The following SNX24 variants were observed in gnomAD, a reference collection of about 807,000 sequenced individuals.
SNX24 encodes the protein sorting nexin 24, also known as sorting nexin-24.
A neutral mutation model predicts 28.7 loss-of-function variants in SNX24; 22 were observed. The ratio of observed to expected loss-of-function variants is 0.77; its 90% confidence interval spans 0.55 to 1.10. The LOEUF is 1.10. Ranked by LOEUF, SNX24 falls within the 50% of genes least tolerant of loss-of-function variation. The pLI, the probability that SNX24 is intolerant of heterozygous loss-of-function variation, is 0.00. For missense variants in SNX24, 221 were observed against 201.1 expected, an observed-to-expected ratio of 1.10 and a Z score of -0.60; for synonymous variants, 69 against 71.5, an observed-to-expected ratio of 0.96 and a Z score of 0.18.
intron 6 of SNX24, among the ~76,000 whole-genome samples, chr5:123,006,304 A>C (rs1168208400): frequency 6.6e-6 from 1 of 152,146 alleles, no homozygotes; most frequent in Non-Finnish European, 1.5e-5. Context: ...TGATTATGCA[A>C]GCCAGAAACC....
chr5:122,920,710 A>G (rs912523847), intron 1 of SNX24, among the ~76,000 whole-genome samples: 19 of 152,200 alleles, frequency 1.2e-4, no homozygotes, highest in African/African-American at 4.3e-4. Flanking sequence ...TGTGTGGCTA[A>G]TAAGTGTCAA....
chr5:123,025,219 A>G (rs1762834124), intron 5 of SNX24, among the ~76,000 whole-genome samples: 1 of 152,174 alleles, frequency 6.6e-6, no homozygotes, highest in Non-Finnish European at 1.5e-5. Flanking sequence ...AGTGGTGTTG[A>G]GTATATTTAC....
chr5:122,937,137 A>T (rs568493624), intron 2 of SNX24, among the ~76,000 whole-genome samples: 1 of 152,238 alleles, frequency 6.6e-6, no homozygotes, highest in Non-Finnish European at 1.5e-5. Context: ...AATGCACTTA[A>T]TGTTCCTTAC....
intron 1 of SNX24, among the ~76,000 whole-genome samples, chr5:122,930,747 C>G (rs1300419704): frequency 6.6e-6 from 1 of 152,102 alleles, no homozygotes; most frequent in Non-Finnish European, 1.5e-5. Flanking sequence ...TCCTGACGTT[C>G]TTTTTGCTAT....
At chr5:123,014,324 G>C (rs549474835) in intron 5 of SNX24, among the ~76,000 whole-genome samples, 2 of 142,370 alleles carry the variant, frequency 1.4e-5, no homozygotes, top group African/African-American at 5.3e-5. Flanking sequence ...ACGCCACTGT[G>C]CCCAGCTGAT....
intron 1 of SNX24, among the ~76,000 whole-genome samples, chr5:122,905,988 A>G (rs1363282164): frequency 1.3e-5 from 2 of 152,244 alleles, no homozygotes; most frequent in Non-Finnish European, 2.9e-5. Context: ...AATAACAGCT[A>G]AGAGTCAGGT....
rs532510120 is a variant in SNX24, at chr5:122,913,003, C to T, written c.61-23731C>T. On this transcript the variant is annotated intron_variant, in intron 1 of 6. Coordinates refer to ENST00000261369, the MANE Select transcript of SNX24 (RefSeq NM_014035.4). ...CATTTAACCCTGAGTGGACACAGCA[C>T]ATGTTTCAGAGAGCACAGGGTTGGG... 2.3e-4 allele frequency among the ~76,000 whole-genome samples: 35 copies of T among 152,216 alleles called. No individual in the cohort carries two copies. In the South Asian group the frequency reaches 7.3e-3, roughly 32 times the overall value.
chr5:122,919,362 C>T (rs911917831), intron 1 of SNX24, among the ~76,000 whole-genome samples: 5 of 152,108 alleles, frequency 3.3e-5, no homozygotes, highest in Non-Finnish European at 7.3e-5. Flanking sequence ...CTTTTAAAGC[C>T]TGGAATTTCT....
intron 1 of SNX24, among the ~76,000 whole-genome samples, chr5:122,914,441 C>G (rs1443212982): frequency 6.6e-6 from 1 of 151,698 alleles, no homozygotes; most frequent in Non-Finnish European, 1.5e-5. Flanking sequence ...CCCTCTTTTT[C>G]TATTGATTGG....
intron 2 of SNX24, among the ~76,000 whole-genome samples, chr5:122,942,616 A>T (rs751845528): frequency 6.6e-6 from 1 of 152,250 alleles, no homozygotes; most frequent in Non-Finnish European, 1.5e-5. Flanking sequence ...AGTATAAAAA[A>T]GGAAAAGGGA....
intron 3 of SNX24, among the ~76,000 whole-genome samples, chr5:122,955,362 C>G (rs1189376571): frequency 6.6e-6 from 1 of 152,148 alleles, no homozygotes; most frequent in Non-Finnish European, 1.5e-5. Context: ...GTCCAATAAT[C>G]TTTACATCTC....
chr5:122,875,424 A>T (rs572257097), intron 1 of SNX24, among the ~76,000 whole-genome samples: 2 of 152,328 alleles, frequency 1.3e-5, no homozygotes, highest in Admixed American at 1.3e-4. Context: ...TCTTCCTTTA[A>T]TATTTTACCA....
intron 1 of SNX24, among the ~76,000 whole-genome samples, chr5:122,902,324 C>T (rs546246870): frequency 6.6e-6 from 1 of 152,234 alleles, no homozygotes; most frequent in African/African-American, 2.4e-5. Flanking sequence ...TGGGATGGCA[C>T]CAGGTTCAAG....
At chr5:122,945,706 A>C (rs942717447) in intron 2 of SNX24, among the ~76,000 whole-genome samples, 1 of 152,220 alleles carries the variant, frequency 6.6e-6, no homozygotes, top group Non-Finnish European at 1.5e-5. Flanking sequence ...CCTTCATCCA[A>C]GTAAAATTTT....
At chr5:122,939,997 T>C (rs907113020) in intron 2 of SNX24, among the ~76,000 whole-genome samples, 25 of 56,008 alleles carry the variant, frequency 4.5e-4, no homozygotes, top group African/African-American at 2.1e-3. Context: ...TTTCATTTTC[T>C]TTTTTTTTTT....
At chr5:122,932,591 CG>C (rs1207310828) in intron 1 of SNX24, among the ~76,000 whole-genome samples, 1 of 152,150 alleles carries the variant, frequency 6.6e-6, no homozygotes, top group Admixed American at 6.5e-5. Flanking sequence ...TCATTTTAGC[CG>C]GGTGCAGTGG....
chr5:123,026,975 G>T (rs978574686), intron 5 of SNX24, among the ~76,000 whole-genome samples: 2 of 151,998 alleles, frequency 1.3e-5, no homozygotes, highest in Non-Finnish European at 2.9e-5. Flanking sequence ...CGGGCAGATC[G>T]CAAGGCCAGG....
rs1990945 is a variant in SNX24, at chr5:122,940,462, G to A, written c.144+3645G>A. Among the ~76,000 whole-genome samples the A allele has an allele frequency of 3.9e-3, 599 of 152,262 alleles. 19 individuals are homozygous for A. The highest frequency in any genetic ancestry group is 0.033 in the Admixed American group (500 of 15,294). On this transcript the variant is annotated intron_variant, in intron 2 of 6. Coordinates refer to ENST00000261369, the MANE Select transcript of SNX24 (RefSeq NM_014035.4). ...CTCAAATACACTGAAACGGGTCTCT[G>A]TTGTCCACCACATCATAGATATTGA...
chr5:122,937,173 T>C (rs1215683560), intron 2 of SNX24, among the ~76,000 whole-genome samples: 1 of 152,212 alleles, frequency 6.6e-6, no homozygotes, highest in East Asian at 1.9e-4. Flanking sequence ...AGCAAATGAT[T>C]ATCTTACAGG....
Sources: allele counts gnomAD v4.1 joint callset (sites outside exome capture counted in the v4.1 genomes callset), GRCh38; gene constraint gnomAD v4.1.1; transcripts MANE v1.5; gene names NCBI Gene and HGNC (gene_info 2026-07-23, HGNC 2026-07-21).